Variants in SLC8A1 observed in about 807,000 individuals in gnomAD.
SLC8A1 encodes sodium/calcium exchanger 1.
In SLC8A1, 18 loss-of-function variants were observed where a neutral mutation model predicts 68.3. The observed-to-expected ratio is 0.26, with a 90% CI of 0.18 to 0.39. The LOEUF is 0.39. SLC8A1 is among the 10% of genes least tolerant of loss of function. The probability of loss-of-function intolerance (pLI) is 1.00; values close to 1 mark genes in which losing one functional copy is unlikely to be tolerated. For synonymous variants in SLC8A1, 475 were observed against 415.5 expected (o/e 1.14, Z -1.74); for missense variants, 985 against 1,156.7 (o/e 0.85, Z 2.15).
At chr2:40,473,203 C>T (rs1199277527) in intron 1 of SLC8A1, among the ~76,000 whole-genome samples, 1 of 152,102 alleles carries the variant, frequency 6.6e-6, no homozygotes, top group African/African-American at 2.4e-5. Flanking sequence ...GAAGAAAGAA[C>T]TGAAGATATT....
Position 40,177,830 on chromosome 2 carries a change from C to A in SLC8A1, c.1834G>T (p.Asp612Tyr). 3 of 1,550,850 alleles carry A rather than the reference C, an allele frequency of 1.9e-6. No individual in the cohort carries two copies. In the South Asian group the frequency reaches 3.6e-5, roughly 18 times the overall value. The change falls in exon 3 of 8, where the codon GAC becomes TAC. Residue 612 changes from aspartate to tyrosine, a missense_variant. Asp to Tyr is a radical substitution (Grantham distance 160). Coordinates refer to ENST00000406785, the Ensembl canonical transcript of SLC8A1. ...CACTCTTTCTCATATTCCTCACGGT[C>A]AAATATTCTAATGGTAATGATCTTC... is the stretch of plus-strand genomic sequence containing the variant.
intron 2 of SLC8A1, among the ~76,000 whole-genome samples, chr2:40,249,016 T>C (rs2062311700): frequency 6.6e-6 from 1 of 152,250 alleles, no homozygotes; most frequent in Non-Finnish European, 1.5e-5. Context: ...CAGGATGACG[T>C]GCTGAGTTTC....
chr2:40,429,835 A>C, exon 2 of SLC8A1: 1 of 1,613,694 alleles, frequency 6.2e-7, no homozygotes, highest in Non-Finnish European at 8.5e-7. Flanking sequence ...TGAAAGGAGA[A>C]TCTCAGGAGC....
chr2:40,266,173 G>C (rs1377683764), intron 2 of SLC8A1, among the ~76,000 whole-genome samples: 1 of 152,108 alleles, frequency 6.6e-6, no homozygotes, highest in African/African-American at 2.4e-5. Context: ...TTTAAAAATT[G>C]CTATAAGGAT....
intron 2 of SLC8A1, among the ~76,000 whole-genome samples, chr2:40,187,168 C>T (rs1283430581): frequency 1.3e-5 from 2 of 152,136 alleles, no homozygotes; most frequent in East Asian, 3.9e-4. Context: ...GCATCCAAGT[C>T]CAGAATCCGA....
intron 2 of SLC8A1, among the ~76,000 whole-genome samples, chr2:40,364,657 C>G (rs1575724474): frequency 6.6e-6 from 1 of 152,114 alleles, no homozygotes; most frequent in Admixed American, 6.6e-5. Flanking sequence ...GTTAGTACTA[C>G]TATATCCATC....
intron 2 of SLC8A1, among the ~76,000 whole-genome samples, chr2:40,293,834 T>A (rs1042336888): frequency 2.0e-5 from 3 of 151,148 alleles, no homozygotes; most frequent in Non-Finnish European, 4.4e-5. Flanking sequence ...TAATTTTATG[T>A]CATAAAAAAC....
intron 2 of SLC8A1, among the ~76,000 whole-genome samples, chr2:40,304,613 G>C (rs1575220824): frequency 6.6e-6 from 1 of 152,072 alleles, no homozygotes; most frequent in East Asian, 1.9e-4. Context: ...TTTCAGCGCG[G>C]TTTGGCATCC....
At position 40,251,938 on chromosome 2, in the gene SLC8A1, A is replaced by AATGTTTAGAGTGT. The variant is rs1413198160; in HGVS notation, c.1809-74096_1809-74084dup. 2.0e-5 allele frequency among the ~76,000 whole-genome samples: 3 copies of AATGTTTAGAGTGT among 152,268 alleles called. No homozygotes were observed. In the East Asian group the frequency reaches 5.8e-4, roughly 29 times the overall value. ...GATACAAGTAGTCTCAGTTCCCCAAAATGTTTAGAGTGTATAATACCAAAA... is the reference window on the plus strand; with the variant it reads ...GATACAAGTAGTCTCAGTTCCCCAAAATGTTTAGAGTGTATGTTTAGAGTGTATAATACCAAAA... On this transcript the variant is annotated intron_variant, in intron 2 of 7. Coordinates refer to ENST00000406785, the Ensembl canonical transcript of SLC8A1.
intron 1 of SLC8A1, among the ~76,000 whole-genome samples, chr2:40,460,224 C>A (rs1703261459): frequency 6.6e-6 from 1 of 152,010 alleles, no homozygotes; most frequent in Admixed American, 6.6e-5. Context: ...CTTATTGTTT[C>A]TTTTGTAAAA....
chr2:40,164,666 C>T (rs1166965275), intron 5 of SLC8A1, among the ~76,000 whole-genome samples, 188 bp downstream of exon 8: 1 of 152,142 alleles, frequency 6.6e-6, no homozygotes, highest in African/African-American at 2.4e-5. Flanking sequence ...GTTTGGTTTA[C>T]AGGACTCCTT....
At chr2:40,251,934 C>T (rs561082542) in intron 2 of SLC8A1, among the ~76,000 whole-genome samples, 2 of 150,940 alleles carry the variant, frequency 1.3e-5, no homozygotes, top group East Asian at 4.0e-4. Context: ...TCTCAGTTCC[C>T]CAAAATGTTT....
intron 1 of SLC8A1, among the ~76,000 whole-genome samples, chr2:40,471,707 A>G (rs1273993647): frequency 6.6e-6 from 1 of 152,238 alleles, no homozygotes; most frequent in East Asian, 1.9e-4. Context: ...TAAAGTTGAC[A>G]GGAAATCTGA....
chr2:40,186,186 G>T (rs1186045602), intron 2 of SLC8A1, among the ~76,000 whole-genome samples: 2 of 152,190 alleles, frequency 1.3e-5, no homozygotes, highest in East Asian at 3.8e-4. Context: ...CAAAGGAAAT[G>T]ATTATAATCA....
chr2:40,364,312 C>A (rs1232926321), intron 2 of SLC8A1, among the ~76,000 whole-genome samples: 1 of 151,892 alleles, frequency 6.6e-6, no homozygotes, highest in African/African-American at 2.4e-5. Context: ...AAGTTTCAAA[C>A]ATTTCAAACT....
intron 2 of SLC8A1, among the ~76,000 whole-genome samples, chr2:40,234,000 C>T (rs1184011719): frequency 6.6e-6 from 1 of 152,070 alleles, no homozygotes; most frequent in East Asian, 1.9e-4. Context: ...GTTACTGTAG[C>T]CTTGTAGTAT....
intron 2 of SLC8A1, among the ~76,000 whole-genome samples, chr2:40,345,464 A>G (rs1267850819): frequency 6.6e-6 from 1 of 152,170 alleles, no homozygotes; most frequent in Non-Finnish European, 1.5e-5. Flanking sequence ...TGTCAGAACA[A>G]AAAAAATCAT....
intron 1 of SLC8A1, among the ~76,000 whole-genome samples, chr2:40,434,030 A>G (rs1576459842): frequency 1.3e-5 from 2 of 152,048 alleles, no homozygotes; most frequent in Non-Finnish European, 2.9e-5. Flanking sequence ...TTGCCTGGCA[A>G]CCTCTTCCTG....
At chr2:40,362,414 A>G (rs1273029132) in intron 2 of SLC8A1, among the ~76,000 whole-genome samples, 1 of 152,182 alleles carries the variant, frequency 6.6e-6, no homozygotes, top group Non-Finnish European at 1.5e-5. Flanking sequence ...AAGTAGGAAT[A>G]ACACTTGCAA....
Sources: allele counts gnomAD v4.1 joint callset (sites outside exome capture counted in the v4.1 genomes callset), GRCh38; gene constraint gnomAD v4.1.1; transcripts MANE v1.5; gene names NCBI Gene and HGNC (gene_info 2026-07-23, HGNC 2026-07-21).